The following KIF13B variants were observed in gnomAD, a reference collection of about 807,000 sequenced individuals.
The protein encoded by KIF13B is kinesin family member 13B, also known as kinesin-like protein KIF13B.
Under a neutral mutation model 222.0 loss-of-function variants are expected in KIF13B, and 127 were observed. The observed-to-expected ratio is 0.57, with a 90% CI of 0.50 to 0.66. KIF13B has a LOEUF of 0.66. KIF13B is among the 30% of genes least tolerant of loss of function. KIF13B has a pLI of 0.00. For synonymous variants in KIF13B, 976 were observed against 919.0 expected, an observed-to-expected ratio of 1.06 and a Z score of -1.12; for missense variants, 2,173 against 2,379.0, an observed-to-expected ratio of 0.91 and a Z score of 1.80.
At chr8:29,196,340 T>C (rs1300352534) in intron 2 of KIF13B, 141 bp from the exon 3 acceptor site, 1 of 717,172 alleles carries the variant, frequency 1.4e-6, no homozygotes, top group Non-Finnish European at 2.3e-6. Context: ...AATAATACCT[T>C]TGAAGCCACA....
chr8:29,221,094 GTTC>G (rs1814723325), intron 2 of KIF13B, among the ~76,000 whole-genome samples: 2 of 98,874 alleles, frequency 2.0e-5, no homozygotes, highest in African/African-American at 8.6e-5. Flanking sequence ...AGTGAGCTGT[GTTC>G]TTTTTTTTTT....
intron 2 of KIF13B, among the ~76,000 whole-genome samples, chr8:29,226,220 G>C (rs1204060164): frequency 6.6e-6 from 1 of 151,764 alleles, no homozygotes; most frequent in Non-Finnish European, 1.5e-5. Flanking sequence ...CTAATAAACA[G>C]ATTCAAGAGA....
chr8:29,155,651 G>C (rs1240202947), intron 14 of KIF13B, 75 bp downstream of exon 14: 1 of 1,321,676 alleles, frequency 7.6e-7, no homozygotes, highest in Non-Finnish European at 1.1e-6. Flanking sequence ...AAGCAACAAA[G>C]GCCACTGTTG....
chr8:29,125,469 A>G (rs1352252565), intron 26 of KIF13B, among the ~76,000 whole-genome samples: 1 of 152,230 alleles, frequency 6.6e-6, no homozygotes, highest in East Asian at 1.9e-4. Context: ...CTCAAATATC[A>G]CATCCGAAGA....
chr8:29,199,081 A>ATTTTTTTTTTTTTTTT (rs1435870446), intron 2 of KIF13B, among the ~76,000 whole-genome samples: 98 of 151,436 alleles, frequency 6.5e-4, no homozygotes, highest in East Asian at 1.9e-3. Flanking sequence ...AAAAAAATAA[A>ATTTTTTTTTTTTTTTT]ATTTTTTAAA....
intron 20 of KIF13B, 108 bp downstream of exon 20, chr8:29,140,360 T>C: frequency 7.2e-7 from 1 of 1,390,698 alleles, no homozygotes; most frequent in Non-Finnish European, 9.8e-7. Flanking sequence ...AAACACAAGG[T>C]ATTAATAAGA....
intron 2 of KIF13B, among the ~76,000 whole-genome samples, chr8:29,239,404 G>T (rs993694059): frequency 5.9e-5 from 9 of 152,314 alleles, no homozygotes; most frequent in African/African-American, 2.2e-4. Context: ...CCTATGTTCT[G>T]ATTTTGTTTA....
At chr8:29,197,316 G>T (rs1321662160) in intron 2 of KIF13B, among the ~76,000 whole-genome samples, 1 of 111,364 alleles carries the variant, frequency 9.0e-6, no homozygotes, top group Non-Finnish European at 1.7e-5. Context: ...CAGCCTGGGC[G>T]ACAGAGCGAG....
At chr8:29,102,095 GAAAAAAA>G (rs367928025) in intron 35 of KIF13B, among the ~76,000 whole-genome samples, 1 of 113,948 alleles carries the variant, frequency 8.8e-6, no homozygotes, top group South Asian at 2.8e-4. Context: ...GATTAAAAAA[GAAAAAAA>G]AAAAAAGAAA....
Position 29,146,536 on chromosome 8 carries a change from C to T in KIF13B, c.2029G>A (p.Ala677Thr), listed in dbSNP as rs376936122. ...RLRQWAEERE[A>T]TLNNSLMRLR... The stretch of plus-strand genomic sequence containing the variant: ...CTCATCAGGCTGTTATTCAACGTTG[C>T]TTCTCTAAAAAAAAATAAAGAAGCG... The change falls in exon 18 of 40, where the codon GCA (alanine) becomes ACA (threonine). Residue 677 changes from alanine to threonine, a missense_variant. By Grantham distance (58) the Ala-to-Thr change is moderately conservative (BLOSUM62 0). Around this residue, in one of 2 missense-constraint regions of KIF13B, gnomAD observed 1,480 missense variants for 1,722.8 expected, o/e 0.86. Transcript: ENST00000524189. 7 of 1,611,210 alleles carry T rather than the reference C, an allele frequency of 4.3e-6. No individual in the cohort carries two copies. In the African/African-American group the frequency reaches 9.4e-5, roughly 22 times the overall value.
At chr8:29,240,685 C>T (rs1031904264) in intron 2 of KIF13B, among the ~76,000 whole-genome samples, 37 of 152,170 alleles carry the variant, frequency 2.4e-4, no homozygotes, top group African/African-American at 8.4e-4. Flanking sequence ...TAGCCAAGGG[C>T]TGAATCTGGC....
At chr8:29,167,606 T>C in intron 10 of KIF13B, 21 bp from the exon 11 acceptor site, 2 of 1,587,088 alleles carry the variant, frequency 1.3e-6, no homozygotes, top group Non-Finnish European at 1.7e-6. Context: ...AAACAGAAAG[T>C]TGAGTAGCAT....
At chr8:29,185,127 G>T (rs556905563) in intron 6 of KIF13B, among the ~76,000 whole-genome samples, 2 of 151,848 alleles carry the variant, frequency 1.3e-5, no homozygotes, top group Non-Finnish European at 2.9e-5. Context: ...CCTACTCTCC[G>T]ACCACACTGA....
At chr8:29,121,082 C>A (rs1419952180) in intron 29 of KIF13B, among the ~76,000 whole-genome samples, 1 of 151,018 alleles carries the variant, frequency 6.6e-6, no homozygotes, top group Non-Finnish European at 1.5e-5. Flanking sequence ...GGATATTAGC[C>A]CTTTGTCAGA....
At chr8:29,142,327 G>C (rs540836716) in intron 18 of KIF13B, 24 bp from the exon 19 acceptor site, 1 of 1,597,710 alleles carries the variant, frequency 6.3e-7, no homozygotes, top group Middle Eastern at 1.7e-4. Context: ...AAGAATGACC[G>C]TGAGAAACAC....
intron 5 of KIF13B, among the ~76,000 whole-genome samples, chr8:29,187,554 T>C (rs1812992807): frequency 2.0e-5 from 3 of 152,114 alleles, no homozygotes. Context: ...TTCTCCGTTG[T>C]AAAAGAAATA....
At chr8:29,110,380 G>A (rs1809300146) in intron 32 of KIF13B, among the ~76,000 whole-genome samples, 2 of 152,156 alleles carry the variant, frequency 1.3e-5, no homozygotes, top group Admixed American at 1.3e-4. Flanking sequence ...AGCCAGAAAT[G>A]TAACCACCGT....
At position 29,228,432 on chromosome 8, in the gene KIF13B, A is replaced by T. The variant is rs1586955680; in HGVS notation, c.149+16914T>A. On this transcript the variant is annotated intron_variant, in intron 2 of 39. Coordinates refer to ENST00000524189, the MANE Select transcript of KIF13B (RefSeq NM_015254.4). ...CAGTGAGCCAAGATCGCGCCACTGC[A>T]CTCCAGCCTGGGTGACAGAGCCAGA... is the stretch of plus-strand genomic sequence containing the variant. 3.4e-5 allele frequency among the ~76,000 whole-genome samples: 5 copies of T among 145,758 alleles called. No individual in the cohort carries two copies. The Admixed American group carries it at 3.5e-4, about 10-fold the overall frequency.
chr8:29,072,448 G>A (rs1319163342), intron 38 of KIF13B, 132 bp from the exon 39 acceptor site: 8 of 492,986 alleles, frequency 1.6e-5, no homozygotes, highest in African/African-American at 4.0e-5. Context: ...TGCTTATGGA[G>A]GGCAAGACGG....
Sources: allele counts gnomAD v4.1 joint callset (sites outside exome capture counted in the v4.1 genomes callset), GRCh38; gene constraint gnomAD v4.1.1; regional missense constraint gnomAD v4.1.1; transcripts MANE v1.5; gene names NCBI Gene and HGNC (gene_info 2026-07-23, HGNC 2026-07-21).